L3MBTL4: variants seen among roughly 807,000 people sequenced by gnomAD.
L3MBTL4 encodes L3MBTL histone methyl-lysine binding protein 4, also known as lethal(3)malignant brain tumor-like protein 4.
In L3MBTL4, 70 loss-of-function variants were observed where a neutral mutation model predicts 84.5. The ratio of observed to expected loss-of-function variants is 0.83; its 90% CI spans 0.68 to 1.01. L3MBTL4 has a LOEUF of 1.01. L3MBTL4 is among the 50% of genes least tolerant of loss of function. The pLI, the probability that L3MBTL4 is intolerant of heterozygous loss-of-function variation, is 0.00. For missense variants in L3MBTL4, 715 were observed against 754.8 expected (o/e 0.95, Z 0.62); for synonymous variants, 274 against 259.8 (o/e 1.05, Z -0.52).
At chr18:6,158,242 T>C (rs565784359) in intron 13 of L3MBTL4, among the ~76,000 whole-genome samples, 1 of 152,358 alleles carries the variant, frequency 6.6e-6, no homozygotes, top group African/African-American at 2.4e-5. Flanking sequence ...CTGAGATGAT[T>C]ACATATTGTA....
At chr18:5,976,391 C>T (rs771123943) in intron 16 of L3MBTL4, among the ~76,000 whole-genome samples, 1 of 152,212 alleles carries the variant, frequency 6.6e-6, no homozygotes, top group Non-Finnish European at 1.5e-5. Context: ...CAGCATTCTG[C>T]TTCTGCTGGG....
At chr18:6,028,784 T>C (rs1171654622) in intron 16 of L3MBTL4, among the ~76,000 whole-genome samples, 1 of 152,212 alleles carries the variant, frequency 6.6e-6, no homozygotes. Context: ...ATTCTCATTG[T>C]AGCAATTGTG....
At chr18:6,054,930 C>T (rs2056967273) in intron 16 of L3MBTL4, among the ~76,000 whole-genome samples, 1 of 152,236 alleles carries the variant, frequency 6.6e-6, no homozygotes, top group African/African-American at 2.4e-5. Flanking sequence ...CTCTGCTTCA[C>T]TTACAGGTTA....
chr18:6,164,766 C>T (rs1371460373), intron 13 of L3MBTL4, among the ~76,000 whole-genome samples: 1 of 152,226 alleles, frequency 6.6e-6, no homozygotes, highest in Non-Finnish European at 1.5e-5. Context: ...CCTAAAAAAT[C>T]AGAGTGCCTC....
In L3MBTL4 at chr18:6,124,140, A is replaced by G. The variant is rs550673760; in HGVS notation, c.1199+14054T>C. The stretch of plus-strand genomic sequence containing the variant: ...AACTAGCAATTTAGAACATTCATTC[A>G]AGTGATTTTCCTAGTATTCAGAGGG... On this transcript the variant is annotated intron_variant, in intron 14 of 18. Transcript: ENST00000317931. 5.3e-5 allele frequency among the ~76,000 whole-genome samples: 8 copies of G among 152,352 alleles called. No individual in the cohort carries two copies. In the South Asian group the frequency reaches 1.7e-3, roughly 32 times the overall value.
intron 10 of L3MBTL4, among the ~76,000 whole-genome samples, chr18:6,230,590 A>G (rs2046958685): frequency 1.3e-5 from 2 of 152,144 alleles, no homozygotes; most frequent in Non-Finnish European, 2.9e-5. Flanking sequence ...TCCTTTGGGT[A>G]TATACTCAAT....
chr18:6,305,339 TTAAAA>T (rs1402615166), intron 3 of L3MBTL4, among the ~76,000 whole-genome samples: 1 of 152,190 alleles, frequency 6.6e-6, no homozygotes, highest in African/African-American at 2.4e-5. Flanking sequence ...TTCTCATCTG[TTAAAA>T]TAAAGAAATT....
At chr18:6,210,242 G>A (rs925005581) in intron 12 of L3MBTL4, among the ~76,000 whole-genome samples, 3 of 152,178 alleles carry the variant, frequency 2.0e-5, no homozygotes, top group Non-Finnish European at 2.9e-5. Context: ...GATCTGCTGC[G>A]CTCTGTCAAG....
rs1010429835 is a variant in L3MBTL4, at chr18:6,376,749, A to G, written c.-91+38052T>C. Among the ~76,000 whole-genome samples, 64 of 152,184 alleles carry G rather than the reference A, an allele frequency of 4.2e-4. 1 individual carries two copies. The highest frequency in any genetic ancestry group is 1.5e-3 in the African/African-American group (63 of 41,440). On this transcript the variant is annotated intron_variant, in intron 1 of 18. Coordinates refer to ENST00000317931, the MANE Select transcript of L3MBTL4 (RefSeq NM_001330559.2). ...TGAGACCTTGTCTCAAAAAACAAAC[A>G]AAAAACATAGTCAGGGTCCTCAACT... is the stretch of plus-strand genomic sequence containing the variant.
intron 14 of L3MBTL4, among the ~76,000 whole-genome samples, chr18:6,094,440 A>G (rs1224383089): frequency 6.6e-6 from 1 of 152,198 alleles, no homozygotes; most frequent in Admixed American, 6.5e-5. Context: ...TGTGACCCTA[A>G]GAATTCACAA....
At chr18:5,967,948 C>T (rs1189033412) in intron 17 of L3MBTL4, among the ~76,000 whole-genome samples, 1 of 152,212 alleles carries the variant, frequency 6.6e-6, no homozygotes, top group Non-Finnish European at 1.5e-5. Flanking sequence ...CTGCCTTCTC[C>T]ACCACGTTCC....
chr18:5,967,246 C>T (rs2144759299), intron 17 of L3MBTL4, among the ~76,000 whole-genome samples: 1 of 152,328 alleles, frequency 6.6e-6, no homozygotes, highest in South Asian at 2.1e-4. Context: ...GCATGGTGGG[C>T]AGGAAGTCAG....
At chr18:6,173,731 GA>G (rs562235966) in intron 12 of L3MBTL4, among the ~76,000 whole-genome samples, 247 of 152,218 alleles carry the variant, frequency 1.6e-3, no homozygotes, top group African/African-American at 5.8e-3. Context: ...AGTGAACCAT[GA>G]TCATGCCACT....
intron 14 of L3MBTL4, among the ~76,000 whole-genome samples, chr18:6,133,880 C>T (rs556537733): frequency 1.3e-5 from 2 of 152,324 alleles, no homozygotes; most frequent in East Asian, 3.9e-4. Context: ...TTAACTGGCA[C>T]ATGACCTTCC....
At chr18:6,107,749 T>A (rs1314840198) in intron 14 of L3MBTL4, among the ~76,000 whole-genome samples, 1 of 152,138 alleles carries the variant, frequency 6.6e-6, no homozygotes, top group Non-Finnish European at 1.5e-5. Flanking sequence ...AACTCGGACA[T>A]GAAGATGACT....
At chr18:6,088,173 G>A (rs9303981) in intron 15 of L3MBTL4, among the ~76,000 whole-genome samples, 57,241 of 152,098 alleles carry the variant, frequency 0.38, 13,491 homozygotes, top group African/African-American at 0.68. Context: ...AGGAGAGAGG[G>A]ATGCTGAGAG....
At chr18:6,078,824 T>C (rs1018010676) in intron 16 of L3MBTL4, among the ~76,000 whole-genome samples, 4 of 152,226 alleles carry the variant, frequency 2.6e-5, no homozygotes, top group Admixed American at 2.6e-4. Context: ...CTCACCATAA[T>C]GTAGAATCAG....
chr18:6,220,020 C>G (rs944081927), intron 10 of L3MBTL4, among the ~76,000 whole-genome samples: 1 of 151,882 alleles, frequency 6.6e-6, no homozygotes, highest in Non-Finnish European at 1.5e-5. Context: ...AGGAACATAA[C>G]GAGACCTCAC....
chr18:6,303,210 C>A (rs1162345772), intron 3 of L3MBTL4, among the ~76,000 whole-genome samples: 1 of 151,978 alleles, frequency 6.6e-6, no homozygotes, highest in Non-Finnish European at 1.5e-5. Flanking sequence ...ACTGCAACCA[C>A]CACCTCCCAG....
Sources: allele counts gnomAD v4.1 joint callset (sites outside exome capture counted in the v4.1 genomes callset), GRCh38; gene constraint gnomAD v4.1.1; transcripts MANE v1.5; gene names NCBI Gene and HGNC (gene_info 2026-07-23, HGNC 2026-07-21).